The following EXOC4 variants were observed in gnomAD, a reference collection of about 807,000 sequenced individuals.
EXOC4 encodes the protein SEC8-like 1.
In EXOC4, 71 loss-of-function variants were observed where a neutral mutation model predicts 107.2. That is an observed-to-expected ratio of 0.66 (90% CI 0.55 to 0.81). EXOC4 has a LOEUF of 0.81. Ranked by LOEUF, EXOC4 falls within the 30% of genes least tolerant of loss-of-function variation. EXOC4 has a pLI of 0.00. For missense variants in EXOC4, 1,108 were observed against 1,189.6 expected (o/e 0.93, Z 1.01); for synonymous variants, 456 against 441.2 (o/e 1.03, Z -0.42).
At chr7:133,287,312 T>C (rs1179160781) in intron 2 of EXOC4, among the ~76,000 whole-genome samples, 1 of 151,890 alleles carries the variant, frequency 6.6e-6, no homozygotes, top group African/African-American at 2.4e-5. Flanking sequence ...TATATATATA[T>C]ATGTATATTT....
At chr7:133,450,668 A>C (rs1027461988) in intron 7 of EXOC4, among the ~76,000 whole-genome samples, 10 of 152,208 alleles carry the variant, frequency 6.6e-5, no homozygotes, top group Admixed American at 3.3e-4. Context: ...CACATATGCC[A>C]GCTCAACTCC....
chr7:133,996,916 A>G (rs1019915296), intron 14 of EXOC4, among the ~76,000 whole-genome samples: 3 of 152,252 alleles, frequency 2.0e-5, no homozygotes, highest in African/African-American at 7.2e-5. Context: ...AAGCCAAAAT[A>G]GGTATCTTCA....
chr7:134,072,164 A>G, the EXOC4 span, among the ~76,000 whole-genome samples: 1 of 152,358 alleles, frequency 6.6e-6, no homozygotes, highest in South Asian at 2.1e-4. Context: ...CTCAGGTTCT[A>G]GAATCTGGTG....
intron 10 of EXOC4, among the ~76,000 whole-genome samples, chr7:133,729,516 A>G (rs1052639395): frequency 1.3e-5 from 2 of 152,120 alleles, no homozygotes; most frequent in African/African-American, 4.8e-5. Context: ...AACCAGAAAG[A>G]GTCAGCACTG....
At chr7:133,899,168 A>T (rs992683673) in intron 12 of EXOC4, among the ~76,000 whole-genome samples, 4 of 151,750 alleles carry the variant, frequency 2.6e-5, no homozygotes, top group African/African-American at 9.7e-5. Context: ...TAACTTTCTT[A>T]CAAATAATAA....
At chr7:133,277,811 CA>C (rs1794032575) in intron 2 of EXOC4, among the ~76,000 whole-genome samples, 1 of 152,082 alleles carries the variant, frequency 6.6e-6, no homozygotes, top group South Asian at 2.1e-4. Flanking sequence ...AATTTTGTAC[CA>C]TGACAGTCCA....
chr7:133,584,426 T>C (rs1486397105), intron 9 of EXOC4, among the ~76,000 whole-genome samples: 3 of 152,054 alleles, frequency 2.0e-5, no homozygotes, highest in Non-Finnish European at 4.4e-5. Flanking sequence ...GAAGCCAGAG[T>C]TGGGAGTCTT....
At chr7:133,972,314 G>C (rs1585290774) in intron 14 of EXOC4, among the ~76,000 whole-genome samples, 2 of 152,038 alleles carry the variant, frequency 1.3e-5, no homozygotes, top group South Asian at 4.1e-4. Context: ...TCATGTAAAT[G>C]ATTAGTCTGT....
intron 7 of EXOC4, among the ~76,000 whole-genome samples, chr7:133,429,754 G>T (rs1797811826): frequency 6.6e-6 from 1 of 152,188 alleles, no homozygotes; most frequent in South Asian, 2.1e-4. Flanking sequence ...TGTTTTCAAG[G>T]TTCATCCATG....
intron 10 of EXOC4, among the ~76,000 whole-genome samples, chr7:133,810,596 C>CATTTTATTTTAT (rs1563007790): frequency 0.024 from 2,516 of 103,818 alleles, 48 homozygotes; most frequent in African/African-American, 0.049. Flanking sequence ...CCATGCTTTG[C>CATTTTATTTTAT]TTTATTTTAT....
intron 7 of EXOC4, among the ~76,000 whole-genome samples, chr7:133,423,993 T>C (rs1797664602): frequency 6.6e-6 from 1 of 152,156 alleles, no homozygotes; most frequent in East Asian, 1.9e-4. Context: ...GGAGAACTTT[T>C]CTGTCTAGCT....
intron 12 of EXOC4, among the ~76,000 whole-genome samples, chr7:133,913,839 T>C (rs1192337119): frequency 1.3e-5 from 2 of 152,186 alleles, no homozygotes; most frequent in Non-Finnish European, 2.9e-5. Flanking sequence ...AAGATGAGAC[T>C]GCCCAAGTCA....
chr7:133,857,588 C>T (rs1364602114), intron 11 of EXOC4, among the ~76,000 whole-genome samples: 1 of 150,754 alleles, frequency 6.6e-6, no homozygotes, highest in African/African-American at 2.4e-5. Context: ...CATGGAGCAG[C>T]GAGGGGTGTG....
chr7:133,864,962 A>G (rs1391807313), intron 11 of EXOC4, among the ~76,000 whole-genome samples: 2 of 152,160 alleles, frequency 1.3e-5, no homozygotes, highest in African/African-American at 4.8e-5. Context: ...GGTGGTTTCT[A>G]AGATTTTTAG....
intron 10 of EXOC4, among the ~76,000 whole-genome samples, chr7:133,742,026 G>A (rs1795575551): frequency 6.6e-6 from 1 of 152,198 alleles, no homozygotes; most frequent in Non-Finnish European, 1.5e-5. Context: ...TGTAGTGAAT[G>A]TGCTGTTGTT....
chr7:133,327,634 T>C (rs1795280355), intron 5 of EXOC4, among the ~76,000 whole-genome samples: 1 of 152,202 alleles, frequency 6.6e-6, no homozygotes, highest in Admixed American at 6.5e-5. Flanking sequence ...TTTGTTGCAT[T>C]GTGTCTTTGT....
At chr7:134,010,599 C>G (rs1244958827) in intron 17 of EXOC4, among the ~76,000 whole-genome samples, 1 of 152,106 alleles carries the variant, frequency 6.6e-6, no homozygotes, top group Non-Finnish European at 1.5e-5. Context: ...CCAAAATAGC[C>G]AGAAATAATA....
chr7:133,672,389 TAAAAAAA>T (rs764420077), intron 10 of EXOC4, among the ~76,000 whole-genome samples: 1 of 130,128 alleles, frequency 7.7e-6, no homozygotes, highest in African/African-American at 2.8e-5. Context: ...AGACTCCGTT[TAAAAAAA>T]AAAAAAAAAA....
intron 10 of EXOC4, among the ~76,000 whole-genome samples, chr7:133,708,292 G>T (rs756021407): frequency 1.3e-4 from 20 of 152,200 alleles, no homozygotes; most frequent in Non-Finnish European, 2.2e-4. Context: ...TGTTGAGTTT[G>T]TGATGCTGAG....
Sources: allele counts gnomAD v4.1 joint callset (sites outside exome capture counted in the v4.1 genomes callset), GRCh38; gene constraint gnomAD v4.1.1; transcripts MANE v1.5; gene names NCBI Gene and HGNC (gene_info 2026-07-23, HGNC 2026-07-21).